USP32: variants seen among roughly 807,000 people sequenced by gnomAD.
USP32 encodes ubiquitin carboxyl-terminal hydrolase 32.
A neutral mutation model predicts 204.8 loss-of-function variants in USP32; 59 were observed. The observed-to-expected ratio is 0.29, with a 90% CI of 0.23 to 0.36. The LOEUF (loss-of-function observed/expected upper bound fraction) is 0.36, where lower values mean the gene tolerates loss of function less well. Ranked by LOEUF, USP32 falls within the 10% of genes least tolerant of loss-of-function variation. The pLI, the probability that USP32 is intolerant of heterozygous loss-of-function variation, is 1.00. For synonymous variants in USP32, 517 were observed against 678.4 expected, an observed-to-expected ratio of 0.76 and a Z score of 3.70; for missense variants, 1,160 against 1,946.4, an observed-to-expected ratio of 0.60 and a Z score of 7.60.
At chr17:60,217,428 G>C (rs565999030) in intron 16 of USP32, among the ~76,000 whole-genome samples, 15 of 152,206 alleles carry the variant, frequency 9.9e-5, no homozygotes, top group African/African-American at 3.6e-4. Context: ...CCGAGTAGCT[G>C]GGATTACAGA....
chr17:60,317,485 C>T (rs1244227433), intron 2 of USP32, among the ~76,000 whole-genome samples: 2 of 149,998 alleles, frequency 1.3e-5, no homozygotes, highest in African/African-American at 2.5e-5. Flanking sequence ...CACTGCACTC[C>T]AGCCTGGGTG....
intron 2 of USP32, among the ~76,000 whole-genome samples, chr17:60,311,340 C>T (rs959585720): frequency 1.3e-5 from 2 of 152,140 alleles, no homozygotes; most frequent in African/African-American, 2.4e-5. Flanking sequence ...ACTTAATACA[C>T]TGTTATACTA....
At chr17:60,372,918 C>CA (rs1418909254) in intron 1 of USP32, among the ~76,000 whole-genome samples, 2 of 151,112 alleles carry the variant, frequency 1.3e-5, no homozygotes, top group African/African-American at 4.9e-5. Context: ...TCTGTAATCT[C>CA]AGAGCTCTGG....
At chr17:60,284,577 C>CA (rs1308900931) in intron 5 of USP32, among the ~76,000 whole-genome samples, 3 of 151,546 alleles carry the variant, frequency 2.0e-5, no homozygotes, top group East Asian at 1.9e-4. Context: ...ACTAAAAATC[C>CA]AAAAAAAGAT....
In USP32 at chr17:60,183,602, T is replaced by C. The variant is rs1004869729; in HGVS notation, c.3835-149A>G. ...TTATTTTTTAAAGACTTCAAAAATA[T>C]GGTTTCATAAAGGCCTCTACATAGG... On this transcript the variant is annotated intron_variant, in intron 30 of 33. Coordinates refer to ENST00000300896, the MANE Select transcript of USP32 (RefSeq NM_032582.4). 7.3e-6 allele frequency: 9 copies of C among 1,226,470 alleles called. No homozygotes were observed. In the African/African-American group the frequency reaches 1.1e-4, roughly 15 times the overall value. 76.0% of individuals were successfully genotyped at this position (1,226,470 alleles called of 1,614,324 possible).
intron 3 of USP32, 92 bp from the exon 4 acceptor site, chr17:60,294,893 G>T: frequency 1.4e-6 from 1 of 739,644 alleles, no homozygotes; most frequent in Non-Finnish European, 2.3e-6. Context: ...TACAATAACT[G>T]AGTGATTACT....
At chr17:60,336,512 G>C (rs937438047) in intron 2 of USP32, among the ~76,000 whole-genome samples, 1 of 140,144 alleles carries the variant, frequency 7.1e-6, no homozygotes, top group East Asian at 2.0e-4. Flanking sequence ...TCAAGAGATC[G>C]AGACCATCCC....
intron 26 of USP32, among the ~76,000 whole-genome samples, chr17:60,202,544 A>G (rs1247237827): frequency 1.3e-5 from 2 of 152,098 alleles, no homozygotes; most frequent in African/African-American, 4.8e-5. Context: ...TAGAGAACTG[A>G]TATCTTAAAA....
intron 2 of USP32, among the ~76,000 whole-genome samples, chr17:60,340,480 T>C (rs2088630830): frequency 2.6e-5 from 4 of 152,228 alleles, no homozygotes; most frequent in African/African-American, 9.6e-5. Context: ...TATCAGAGAC[T>C]AGGATTACAA....
At chr17:60,320,667 G>A (rs1358933438) in intron 2 of USP32, among the ~76,000 whole-genome samples, 4 of 152,142 alleles carry the variant, frequency 2.6e-5, no homozygotes, top group African/African-American at 9.7e-5. Flanking sequence ...AAACAACACC[G>A]AATGAGTGAT....
At chr17:60,371,479 G>C (rs1189637116) in intron 1 of USP32, among the ~76,000 whole-genome samples, 1 of 151,620 alleles carries the variant, frequency 6.6e-6, no homozygotes, top group African/African-American at 2.4e-5. Context: ...TGAGGCAGGA[G>C]AATCGCTTGA....
chr17:60,196,593 G>A (rs1271275031), intron 27 of USP32, among the ~76,000 whole-genome samples: 1 of 152,202 alleles, frequency 6.6e-6, no homozygotes, highest in Non-Finnish European at 1.5e-5. Flanking sequence ...GGGAGCCTGA[G>A]GCAGGCAGAT....
In USP32 at chr17:60,355,718, C is replaced by T. The variant is rs569281935; in HGVS notation, c.59-10110G>A. Among the ~76,000 whole-genome samples the T allele has an allele frequency of 7.3e-5, 11 of 151,502 alleles. No individual in the cohort carries two copies. The South Asian group carries it at 2.1e-3, about 29-fold the overall frequency. Reference sequence around the variant, plus strand: ...AAAATTGGTGGCACACGCCTGTAGTCTCAACTACTCAGGAGACTAAGGTGG... The same window carrying T: ...AAAATTGGTGGCACACGCCTGTAGTTTCAACTACTCAGGAGACTAAGGTGG... On this transcript the variant is annotated intron_variant, in intron 1 of 33. Coordinates refer to ENST00000300896, the MANE Select transcript of USP32 (RefSeq NM_032582.4).
At chr17:60,390,348 T>C (rs2089809022) in intron 1 of USP32, among the ~76,000 whole-genome samples, 2 of 152,208 alleles carry the variant, frequency 1.3e-5, no homozygotes, top group South Asian at 4.1e-4. Flanking sequence ...TTGACTAATG[T>C]CCTCTTTCAT....
chr17:60,306,656 CT>C (rs2087732065), intron 2 of USP32, among the ~76,000 whole-genome samples: 1 of 151,672 alleles, frequency 6.6e-6, no homozygotes, highest in African/African-American at 2.4e-5. Context: ...AAAAAAATGT[CT>C]TTAGCTATTA....
At chr17:60,330,258 T>A (rs921078548) in intron 2 of USP32, among the ~76,000 whole-genome samples, 2 of 152,198 alleles carry the variant, frequency 1.3e-5, no homozygotes, top group African/African-American at 4.8e-5. Flanking sequence ...GTAGCTTTTT[T>A]CTTTGCTGTT....
chr17:60,242,946 A>G (rs1331856239), intron 11 of USP32, among the ~76,000 whole-genome samples: 1 of 152,230 alleles, frequency 6.6e-6, no homozygotes, highest in Non-Finnish European at 1.5e-5. Context: ...TGTGTTTTGA[A>G]TCTATAGAAC....
intron 1 of USP32, among the ~76,000 whole-genome samples, chr17:60,347,529 A>G (rs1252798362): frequency 1.3e-5 from 2 of 150,602 alleles, no homozygotes; most frequent in African/African-American, 4.9e-5. Context: ...AATTTTTTGT[A>G]TTTTTAGTAG....
intron 1 of USP32, among the ~76,000 whole-genome samples, chr17:60,405,233 C>A (rs889613357): frequency 6.6e-6 from 1 of 152,068 alleles, no homozygotes; most frequent in Non-Finnish European, 1.5e-5. Flanking sequence ...GACAGAGTTT[C>A]GCTCTGTCAC....
Sources: gnomAD v4.1 joint callset for allele counts (sites outside exome capture counted in the v4.1 genomes callset) on GRCh38, gnomAD v4.1.1 for gene constraint, MANE v1.5 for transcripts, NCBI Gene and HGNC (gene_info 2026-07-23, HGNC 2026-07-21) for gene names.